Variants in MICAL1 observed in about 807,000 individuals in gnomAD.
MICAL1 encodes the protein microtubule associated monooxygenase, calponin and LIM domain containing 1.
MICAL1 carries 95 observed loss-of-function variants against 131.8 expected under a neutral mutation model. The observed-to-expected ratio is 0.72, with a 90% confidence interval of 0.61 to 0.86. The LOEUF (loss-of-function observed/expected upper bound fraction) is 0.86, where lower values mean the gene tolerates loss of function less well. MICAL1 is among the 40% of genes least tolerant of loss of function. The pLI, the probability that MICAL1 is intolerant of heterozygous loss-of-function variation, is 0.00. For synonymous variants in MICAL1, 546 were observed against 554.2 expected, an observed-to-expected ratio of 0.99 and a Z score of 0.21; for missense variants, 1,292 against 1,380.6, an observed-to-expected ratio of 0.94 and a Z score of 1.02.
At chr6:109,458,343 C>T (rs967419015), upstream of MICAL1, among the ~76,000 whole-genome samples, 1 of 152,152 alleles carries the variant, frequency 6.6e-6, no homozygotes, top group Non-Finnish European at 1.5e-5. Flanking sequence ...TGCCTGTAAT[C>T]CCAGCACTTT....
chr6:109,450,188 CCAGGCAGCCCTTAGCTCCTCCCCTCTG>C (rs973910471), intron 8 of MICAL1, 85 bp downstream of exon 8: 211 of 1,560,008 alleles, frequency 1.4e-4, no homozygotes, highest in Non-Finnish European at 1.7e-4. Context: ...CATCCCCACA[CCAGGCAGCCCTTAGCTCCTCCCCTCTG>C]CAGGCAGACC....
rs781457382 is a variant in MICAL1 at position 109,452,350 on chromosome 6, T to C, written c.728A>G (p.Asn243Ser). The C allele has an allele frequency of 1.2e-6, 2 of 1,614,172 alleles. No homozygotes were observed. The highest frequency in any genetic ancestry group is 2.2e-5 in the South Asian group (2 of 91,080). Reference protein sequence around the residue: ...RGKLAIGITANFVNGRTVEET... With the variant: ...RGKLAIGITASFVNGRTVEET... ...CTCCACGGTGCGTCCATTCACAAAG[T>C]TGGCTGTGATGCCAATGGCCAGTTT... is the stretch of plus-strand genomic sequence containing the variant. The change falls in exon 6 of 25, where the codon AAC becomes AGC. Residue 243 changes from asparagine to serine, a missense_variant. Coordinates refer to ENST00000358807, the MANE Select transcript of MICAL1 (RefSeq NM_022765.4).
exon 1 of MICAL1, chr6:109,465,933 A>G (rs554507506): frequency 6.2e-7 from 1 of 1,614,198 alleles, no homozygotes; most frequent in African/African-American, 1.3e-5. Context: ...TGTCAGCTGC[A>G]GGTGCTGAGC....
At chr6:109,460,645 A>G (rs1775863835), upstream of MICAL1, among the ~76,000 whole-genome samples, 1 of 151,842 alleles carries the variant, frequency 6.6e-6, no homozygotes. Context: ...TTTAGAGGTC[A>G]CTCCTTGAGA....
In MICAL1 at chr6:109,445,494, C is replaced by T; in HGVS notation, c.2709G>A (p.Met903Ile). Reference sequence around the variant, plus strand: ...TCCGACGCCATGTTGGGTAGTTATTCATGGTGCCTGAGGTCTTGGCAAAGG... The same window carrying T: ...TCCGACGCCATGTTGGGTAGTTATTTATGGTGCCTGAGGTCTTGGCAAAGG... ...LQTFAKTSGT[M>I]NNYPTWRRTL... is the part of the protein sequence containing the mutation. Residue 903 changes from methionine (M) to isoleucine (I), a missense_variant, in exon 21 of 25, where the codon ATG (methionine) becomes ATA (isoleucine). Physicochemically the swap from Met to Ile is conservative, Grantham distance 10. Coordinates refer to ENST00000358807, the MANE Select transcript of MICAL1 (RefSeq NM_022765.4). The T allele has an allele frequency of 1.2e-6, 2 of 1,614,122 alleles. No individual in the cohort carries two copies. The highest frequency in any genetic ancestry group is 1.7e-6 in the Non-Finnish European group (2 of 1,180,040).
rs367916331 is a variant in MICAL1 at position 109,444,910 on chromosome 6, G to A, written c.2967C>T (p.Ala989=). ...DKKNSLVAEE[A]ELMITVQELN... The stretch of plus-strand genomic sequence containing the variant: ...CTTCCCCTTACGTGATCATGAGCTC[G>A]GCCTCCTCAGCCACCAGGCTGTTTT... Residue 989 remains alanine, a synonymous_variant, in exon 23 of 25, where the codon GCC becomes GCT. Transcript: ENST00000358807. 1.5e-5 allele frequency: 24 copies of A among 1,614,074 alleles called. No individual in the cohort carries two copies. Among genetic ancestry groups the A allele is most frequent in the African/African-American group, 1.3e-4 (10 of 75,036 alleles).
rs560636530 is a variant in MICAL1, at chr6:109,446,485, T to C, written c.2305-73A>G. The C allele has an allele frequency of 2.5e-4, 380 of 1,531,350 alleles. 7 individuals are homozygous for C. The South Asian group carries it at 4.2e-3, about 17-fold the overall frequency. The allele number at this position is 1,531,350 out of a possible 1,614,324, so 94.9% of individuals were successfully genotyped here. ...TTCGGAGCAAAGGTGAGCCTTGGCATTCATTCACTTAAAACCATTTACAAA... is the reference window on the plus strand; with the variant it reads ...TTCGGAGCAAAGGTGAGCCTTGGCACTCATTCACTTAAAACCATTTACAAA... On this transcript the variant is annotated intron_variant, in intron 18 of 24. Coordinates refer to ENST00000358807, the MANE Select transcript of MICAL1 (RefSeq NM_022765.4).
chr6:109,447,492 G>A (rs1020835931), intron 15 of MICAL1, 52 bp from the exon 16 acceptor site: 1 of 1,570,660 alleles, frequency 6.4e-7, no homozygotes, highest in Middle Eastern at 1.7e-4. Context: ...GGCCAGCTGG[G>A]AGGGGATGCG....
intron 12 of MICAL1, 168 bp downstream of exon 12, chr6:109,448,564 G>A: frequency 7.9e-7 from 1 of 1,270,808 alleles, no homozygotes; most frequent in Non-Finnish European, 1.1e-6. Context: ...CACTACTCCT[G>A]GCTTTGGGGG....
At chr6:109,452,174 T>C in intron 6 of MICAL1, 72 bp downstream of exon 6, 1 of 1,543,386 alleles carries the variant, frequency 6.5e-7, no homozygotes, top group Admixed American at 2.0e-5. Context: ...GAGGACAAGT[T>C]TGGAAGGGAG....
At chr6:109,451,752 C>T (rs1291878871) in intron 6 of MICAL1, 52 bp from the exon 7 acceptor site, 2 of 1,603,748 alleles carry the variant, frequency 1.2e-6, no homozygotes, top group South Asian at 1.1e-5. Flanking sequence ...AATGCATCAC[C>T]TTCCCTAAAC....
chr6:109,465,670 C>T (rs1776016723), exon 1 of MICAL1: 3 of 1,583,154 alleles, frequency 1.9e-6, no homozygotes, highest in East Asian at 2.3e-5. Flanking sequence ...GTACCTTAGA[C>T]AAGACATACA....
chr6:109,462,811 C>A (rs1286216996), intron 1 of MICAL1: 1 of 152,100 alleles, frequency 6.6e-6, no homozygotes, highest in East Asian at 1.9e-4. Flanking sequence ...TCAGGAGCCC[C>A]AAAGCATAAC....
rs761763263 is a variant in MICAL1 at position 109,449,998 on chromosome 6, C to T, written c.1279G>A (p.Ala427Thr). 18 of 1,613,938 alleles carry T rather than the reference C, an allele frequency of 1.1e-5. No homozygotes were observed. Among genetic ancestry groups the T allele is most frequent in the African/African-American group, 1.1e-4 (8 of 74,902 alleles). The change falls in exon 9 of 25, where the codon GCT (alanine) becomes ACT (threonine). Residue 427 changes from alanine to threonine, a missense_variant. Transcript: ENST00000358807. ...TCAGCCAACACCTCTAGGGACTCAG[C>T]GCCCTCTGCCCACCGCTTCACCATC... ...AWMVKRWAEG[A>T]ESLEVLAERE...
At chr6:109,446,571 C>T in intron 18 of MICAL1, 125 bp downstream of exon 18, 1 of 1,344,480 alleles carries the variant, frequency 7.4e-7, no homozygotes, top group Non-Finnish European at 1.0e-6. Flanking sequence ...ACAGGCATCC[C>T]TGCCTTCACA....
At chr6:109,448,935 A>G (rs1775380122) in intron 11 of MICAL1, 56 bp from the exon 12 acceptor site, 10 of 1,599,394 alleles carry the variant, frequency 6.3e-6, no homozygotes, top group African/African-American at 2.7e-5. Context: ...CCAGGCATAT[A>G]GGGAGCCCAG....
At chr6:109,456,093 G>A, upstream of MICAL1, 1 of 898,112 alleles carries the variant, frequency 1.1e-6, no homozygotes, top group Non-Finnish European at 1.3e-6. Flanking sequence ...TGAGGAGCTC[G>A]AGGGTCAGGG....
chr6:109,449,369 T>G, intron 11 of MICAL1, 31 bp downstream of exon 11: 2 of 1,612,184 alleles, frequency 1.2e-6, no homozygotes, highest in Non-Finnish European at 1.7e-6. Context: ...GTACATATTT[T>G]GGTCACCCCT....
rs201867336 is a variant in MICAL1 at position 109,445,457 on chromosome 6, G to A, written c.2746C>T (p.Arg916Cys). 345 of 1,614,062 alleles carry A rather than the reference G, an allele frequency of 2.1e-4. 2 individuals carry two copies. In the East Asian group the frequency reaches 6.5e-3, roughly 30 times the overall value. Reference sequence around the variant, plus strand: ...CTCTTCATCTCCTCCTCCTTCGCACGGCGCAGCAGAGTCCGACGCCATGTT... The same window carrying A: ...CTCTTCATCTCCTCCTCCTTCGCACAGCGCAGCAGAGTCCGACGCCATGTT... ...YPTWRRTLLR[R>C]AKEEEMKRFC... The change falls in exon 21 of 25, where the codon CGT becomes TGT. Residue 916 changes from arginine to cysteine, a missense_variant. Physicochemically the swap from Arg to Cys is radical, Grantham distance 180. Coordinates refer to ENST00000358807, the MANE Select transcript of MICAL1 (RefSeq NM_022765.4).
Sources: allele counts gnomAD v4.1 joint callset (sites outside exome capture counted in the v4.1 genomes callset), GRCh38; gene constraint gnomAD v4.1.1; transcripts MANE v1.5; gene names NCBI Gene and HGNC (gene_info 2026-07-23, HGNC 2026-07-21).